Variants in ACOT7 observed in about 807,000 individuals in gnomAD.
ACOT7 encodes acyl-CoA thioesterase 7.
A neutral mutation model predicts 40.2 loss-of-function variants in ACOT7; 12 were observed. The observed-to-expected ratio is 0.30, with a 90% confidence interval of 0.19 to 0.48. The LOEUF is 0.48. ACOT7 is among the 20% of genes least tolerant of loss of function. The pLI is 0.99. For missense variants in ACOT7, 395 were observed against 530.8 expected, an observed-to-expected ratio of 0.74 and a Z score of 2.51; for synonymous variants, 228 against 219.5, an observed-to-expected ratio of 1.04 and a Z score of -0.34.
chr1:6,361,799 T>C (rs1641899784), intron 1 of ACOT7, among the ~76,000 whole-genome samples: 2 of 152,240 alleles, frequency 1.3e-5, no homozygotes, highest in South Asian at 2.1e-4. Flanking sequence ...AGCGGGACTC[T>C]GTAAAAATAA....
intron 7 of ACOT7, among the ~76,000 whole-genome samples, chr1:6,291,456 T>C (rs1433331823): frequency 6.6e-6 from 1 of 152,186 alleles, no homozygotes; most frequent in Non-Finnish European, 1.5e-5. Flanking sequence ...ACCTTGGCCC[T>C]GCTGACGCCT....
At chr1:6,314,325 G>C (rs544485338) in intron 6 of ACOT7, among the ~76,000 whole-genome samples, 1 of 152,072 alleles carries the variant, frequency 6.6e-6, no homozygotes, top group Non-Finnish European at 1.5e-5. Flanking sequence ...CTGCAGGAGC[G>C]ATGGGAGGAA....
Position 6,275,245 on chromosome 1 carries a change from A to G in ACOT7, c.1014+5857T>C, listed in dbSNP as rs1441525985. ...TGCATCCAGCTGCCCTGGCTTCCTA[A>G]CCAGAAAACAAACCTGCTGAGAATG... On this transcript the variant is annotated intron_variant, in intron 8 of 8. Coordinates refer to ENST00000361521, the MANE Select transcript of ACOT7 (RefSeq NM_007274.4). This position sits in a 1 kb window ranked among gnomAD's most constrained non-coding sequence, Gnocchi z 5.6. 6.6e-6 allele frequency among the ~76,000 whole-genome samples: 1 copy of G among 152,216 alleles called. No individual in the cohort carries two copies. Among genetic ancestry groups the G allele is most frequent in the East Asian group, 1.9e-4 (1 of 5,192 alleles).
intron 8 of ACOT7, among the ~76,000 whole-genome samples, chr1:6,280,038 G>A (rs555844569): frequency 2.0e-5 from 3 of 152,246 alleles, no homozygotes; most frequent in Non-Finnish European, 2.9e-5. Flanking sequence ...GCGGATCTGC[G>A]TGGGGAGCAG....
At chr1:6,339,171 T>C (rs1302933019) in intron 3 of ACOT7, among the ~76,000 whole-genome samples, 1 of 152,176 alleles carries the variant, frequency 6.6e-6, no homozygotes, top group Non-Finnish European at 1.5e-5. Context: ...GGCAGCATGA[T>C]GTGCTCAGGC....
intron 1 of ACOT7, 119 bp downstream of exon 1, chr1:6,393,138 G>A: frequency 9.1e-7 from 1 of 1,097,946 alleles, no homozygotes; most frequent in Non-Finnish European, 1.1e-6. Context: ...AAGGCCGTGC[G>A]GGGAATCGGC....
At chr1:6,280,177 C>T (rs182009465) in intron 8 of ACOT7, among the ~76,000 whole-genome samples, 154 of 152,366 alleles carry the variant, frequency 1.0e-3, no homozygotes, top group Non-Finnish European at 2.4e-4. Context: ...CGCCTGCTCC[C>T]AGCTGCTCTG....
chr1:6,285,729 GCA>G (rs1397308096), intron 7 of ACOT7, among the ~76,000 whole-genome samples: 1 of 152,212 alleles, frequency 6.6e-6, no homozygotes, highest in African/African-American at 2.4e-5. Flanking sequence ...GGCCCGACAA[GCA>G]CTGCCTGCAG....
chr1:6,392,168 G>C (rs1642543063), intron 1 of ACOT7, among the ~76,000 whole-genome samples: 1 of 152,176 alleles, frequency 6.6e-6, no homozygotes, highest in Non-Finnish European at 1.5e-5. Context: ...TCCTGGAGAT[G>C]TCAACATCTA....
In ACOT7 at chr1:6,344,079, A is replaced by G. The variant is rs138997832; in HGVS notation, c.262-4490T>C. On this transcript the variant is annotated intron_variant, in intron 2 of 8. Coordinates refer to ENST00000361521, the MANE Select transcript of ACOT7 (RefSeq NM_007274.4). ...GACCAGGTGTTAGGCAGGAGGAGGT[A>G]GGGGGAGCGTTGGTACCACAGGGAG... Among the ~76,000 whole-genome samples the G allele has an allele frequency of 3.3e-3, 500 of 152,276 alleles. 2 individuals are homozygous for G. Among genetic ancestry groups the G allele is most frequent in the South Asian group, 7.7e-3 (37 of 4,826 alleles).
intron 1 of ACOT7, among the ~76,000 whole-genome samples, chr1:6,354,686 C>T (rs1317086938): frequency 1.0e-5 from 1 of 97,156 alleles, no homozygotes; most frequent in East Asian, 4.1e-4. Context: ...GCCTCTAGCC[C>T]CCCCATGGCC....
chr1:6,319,889 G>A (rs1640595686), intron 5 of ACOT7, among the ~76,000 whole-genome samples: 1 of 152,252 alleles, frequency 6.6e-6, no homozygotes, highest in South Asian at 2.1e-4. Context: ...GAGGGCTGGT[G>A]AACATGGTCA....
At chr1:6,305,793 C>T (rs530236013) in intron 6 of ACOT7, among the ~76,000 whole-genome samples, 72 of 152,124 alleles carry the variant, frequency 4.7e-4, no homozygotes, top group African/African-American at 1.5e-3. Context: ...GGGTGGTGGC[C>T]GGGCAGAGGC....
intron 1 of ACOT7, among the ~76,000 whole-genome samples, chr1:6,363,862 A>C (rs1641944872): frequency 6.6e-6 from 1 of 151,832 alleles, no homozygotes; most frequent in Non-Finnish European, 1.5e-5. Context: ...TATTTCTACA[A>C]TCTCTCATCT....
intron 4 of ACOT7, among the ~76,000 whole-genome samples, chr1:6,328,663 C>G (rs1640871420): frequency 6.6e-6 from 1 of 152,114 alleles, no homozygotes; most frequent in Non-Finnish European, 1.5e-5. Flanking sequence ...GCCTGGGCGA[C>G]AGAGCGAGAC....
rs537018652 is a variant in ACOT7 at position 6,288,498 on chromosome 1, G to C, written c.829+6366C>G. Among the ~76,000 whole-genome samples, 16 of 152,320 alleles carry C rather than the reference G, an allele frequency of 1.1e-4. No individual in the cohort carries two copies. In the South Asian group the frequency reaches 1.2e-3, roughly 12 times the overall value. On this transcript the variant is annotated intron_variant, in intron 7 of 8. Coordinates refer to ENST00000361521, the MANE Select transcript of ACOT7 (RefSeq NM_007274.4). This position sits in a 1 kb window ranked among gnomAD's most constrained non-coding sequence, Gnocchi z 4.3. ...CAGACCTGAAGTGCCAGCTGGAGGG[G>C]CTCAAGCTGAATGTGGCATGTCACG...
chr1:6,371,853 T>C (rs192430622), intron 1 of ACOT7, among the ~76,000 whole-genome samples: 1 of 151,546 alleles, frequency 6.6e-6, no homozygotes, highest in Admixed American at 6.6e-5. Context: ...GAGACCAGCC[T>C]GGCCAACATA....
rs992381436 is a variant in ACOT7, at chr1:6,289,076, G to A, written c.829+5788C>T. ...CCCACAGGTCTGGCGTCTCCATTCC[G>A]CATTCCCACTGTTTTCTGGTTATTT... On this transcript the variant is annotated intron_variant, in intron 7 of 8. Coordinates refer to ENST00000361521, the MANE Select transcript of ACOT7 (RefSeq NM_007274.4). The surrounding 1 kb of genome is among the most constrained non-coding windows in gnomAD (Gnocchi z 4.6). Among the ~76,000 whole-genome samples the A allele has an allele frequency of 1.3e-5, 2 of 152,144 alleles. No individual in the cohort carries two copies. The highest frequency in any genetic ancestry group is 2.4e-5 in the African/African-American group (1 of 41,434).
chr1:6,339,333 A>G, intron 3 of ACOT7, 100 bp downstream of exon 3: 1 of 1,539,562 alleles, frequency 6.5e-7, no homozygotes, highest in African/African-American at 1.4e-5. Flanking sequence ...ATTGGTGGAA[A>G]AGGGGCCAGG....
Sources: allele counts gnomAD v4.1 joint callset (sites outside exome capture counted in the v4.1 genomes callset), GRCh38; gene constraint gnomAD v4.1.1; non-coding constraint Gnocchi (gnomAD v3.1); transcripts MANE v1.5; gene names NCBI Gene and HGNC (gene_info 2026-07-23, HGNC 2026-07-21).